THRB: variants seen among roughly 807,000 people sequenced by gnomAD.
The protein encoded by THRB is thyroid hormone receptor beta, also known as nuclear receptor subfamily 1 group A member 2.
THRB carries 12 observed loss-of-function variants against 47.8 expected under a neutral mutation model. The ratio of observed to expected loss-of-function variants is 0.25; its 90% CI spans 0.16 to 0.41. The LOEUF is 0.41. THRB is among the 10% of genes least tolerant of loss of function. The pLI is 1.00. For synonymous variants in THRB, 218 were observed against 212.2 expected (o/e 1.03, Z -0.24); for missense variants, 348 against 589.2 (o/e 0.59, Z 4.24).
intron 1 of THRB, among the ~76,000 whole-genome samples, chr3:24,447,809 G>A (rs2072248029): frequency 1.3e-5 from 2 of 152,114 alleles, no homozygotes; most frequent in South Asian, 4.2e-4. Flanking sequence ...AGGAGATGGG[G>A]AATGAAGGTT....
intron 1 of THRB, among the ~76,000 whole-genome samples, chr3:24,393,987 GGA>G (rs1375166515): frequency 6.6e-6 from 1 of 152,042 alleles, no homozygotes; most frequent in Non-Finnish European, 1.5e-5. Context: ...ACTTGGTCCA[GGA>G]ATTTTACATT....
chr3:24,486,373 G>A (rs1380000742), intron 1 of THRB: 1 of 152,130 alleles, frequency 6.6e-6, no homozygotes, highest in Non-Finnish European at 1.5e-5. Context: ...ATTTTTAAAT[G>A]CTCTACCATG....
At chr3:24,198,334 C>T (rs1416240214) in intron 4 of THRB, among the ~76,000 whole-genome samples, 1 of 152,008 alleles carries the variant, frequency 6.6e-6, no homozygotes, top group Non-Finnish European at 1.5e-5. Context: ...GTTATAGGAC[C>T]TCACAGTGTT....
intron 1 of THRB, among the ~76,000 whole-genome samples, chr3:24,465,394 T>C (rs1480773607): frequency 3.3e-5 from 5 of 152,194 alleles, no homozygotes; most frequent in Admixed American, 3.3e-4. Flanking sequence ...GAAGTGGGAA[T>C]CTGCCTGGGG....
intron 2 of THRB, among the ~76,000 whole-genome samples, chr3:24,331,079 C>G (rs2061895648): frequency 6.6e-6 from 1 of 151,908 alleles, no homozygotes; most frequent in South Asian, 2.1e-4. Flanking sequence ...AGAGCTGGCT[C>G]CAACTGTCAA....
chr3:24,127,030 A>G (rs757898371), intron 10 of THRB, among the ~76,000 whole-genome samples: 3 of 152,214 alleles, frequency 2.0e-5, no homozygotes, highest in Non-Finnish European at 2.9e-5. Flanking sequence ...TGTTTAAGCC[A>G]CTAAGTTTTG....
At chr3:24,488,149 CT>C (rs1489051463) in intron 1 of THRB, among the ~76,000 whole-genome samples, 3 of 152,206 alleles carry the variant, frequency 2.0e-5, no homozygotes, top group South Asian at 2.1e-4. Context: ...GAAGATATGC[CT>C]GCTTTCAGTC....
chr3:24,329,073 T>C (rs1262275840), intron 2 of THRB, among the ~76,000 whole-genome samples: 1 of 151,946 alleles, frequency 6.6e-6, no homozygotes, highest in Admixed American at 6.6e-5. Flanking sequence ...CAGCCTCCCA[T>C]GTAGCTGGGA....
chr3:24,198,728 G>A (rs2044261865), intron 4 of THRB, among the ~76,000 whole-genome samples: 1 of 152,182 alleles, frequency 6.6e-6, no homozygotes, highest in South Asian at 2.1e-4. Context: ...TCTTGTTGGT[G>A]TATGTTAGTG....
intron 1 of THRB, among the ~76,000 whole-genome samples, chr3:24,431,607 A>C (rs927936421): frequency 6.6e-6 from 1 of 152,116 alleles, no homozygotes; most frequent in Non-Finnish European, 1.5e-5. Context: ...GAACATATTT[A>C]CCCTCTGATC....
At chr3:24,474,347 G>A (rs1305170566) in intron 1 of THRB, among the ~76,000 whole-genome samples, 1 of 152,148 alleles carries the variant, frequency 6.6e-6, no homozygotes, top group Non-Finnish European at 1.5e-5. Flanking sequence ...CTTTGGTATG[G>A]GCACAGGGTA....
At chr3:24,317,887 T>A (rs1408746261) in intron 2 of THRB, among the ~76,000 whole-genome samples, 1 of 152,008 alleles carries the variant, frequency 6.6e-6, no homozygotes, top group Non-Finnish European at 1.5e-5. Flanking sequence ...CAAAACCTCA[T>A]CTCTACTAAA....
intron 5 of THRB, among the ~76,000 whole-genome samples, chr3:24,189,781 G>C (rs1311559157): frequency 6.6e-6 from 1 of 152,144 alleles, no homozygotes; most frequent in Non-Finnish European, 1.5e-5. Context: ...CCCAAAAATG[G>C]AATTAAAGCC....
intron 4 of THRB, among the ~76,000 whole-genome samples, chr3:24,210,230 A>G (rs539845194): frequency 1.3e-5 from 2 of 152,290 alleles, no homozygotes; most frequent in South Asian, 4.1e-4. Context: ...TTTACCTAGA[A>G]AGTTGAAAAG....
At chr3:24,376,304 C>G (rs973181882) in intron 1 of THRB, among the ~76,000 whole-genome samples, 2 of 152,118 alleles carry the variant, frequency 1.3e-5, no homozygotes, top group African/African-American at 4.8e-5. Context: ...TGGCTTTTTG[C>G]CTTGGGGCAC....
intron 4 of THRB, among the ~76,000 whole-genome samples, chr3:24,193,782 A>G (rs1479704614): frequency 1.3e-5 from 2 of 152,204 alleles, no homozygotes; most frequent in African/African-American, 4.8e-5. Context: ...ATCTACCCAG[A>G]GGAAAAGAAG....
intron 3 of THRB, among the ~76,000 whole-genome samples, chr3:24,256,291 GA>G (rs34714727): frequency 0.62 from 94,241 of 151,794 alleles, 30,188 homozygotes; most frequent in Middle Eastern, 0.72. Context: ...GTTAGTGGAA[GA>G]GGGCCTGAAG....
chr3:24,168,490 A>ATAT (rs1559499553), intron 5 of THRB, among the ~76,000 whole-genome samples: 17 of 137,990 alleles, frequency 1.2e-4, no homozygotes, highest in East Asian at 2.2e-4. Flanking sequence ...TTCAATCAAT[A>ATAT]ATATATATAT....
intron 1 of THRB, among the ~76,000 whole-genome samples, chr3:24,453,984 C>A (rs2072926021): frequency 6.6e-6 from 1 of 152,130 alleles, no homozygotes; most frequent in African/African-American, 2.4e-5. Flanking sequence ...ATTATTTTAT[C>A]TTAGCACCCG....
Sources: allele counts gnomAD v4.1 joint callset (sites outside exome capture counted in the v4.1 genomes callset), GRCh38; gene constraint gnomAD v4.1.1; transcripts MANE v1.5; gene names NCBI Gene and HGNC (gene_info 2026-07-23, HGNC 2026-07-21).